Variants in CPED1 observed in about 807,000 individuals in gnomAD.
The protein encoded by CPED1 is cadherin-like and PC-esterase domain-containing protein 1.
In CPED1, 114 loss-of-function variants were observed where a neutral mutation model predicts 128.2. The observed-to-expected ratio is 0.89, with a 90% CI of 0.76 to 1.04. CPED1 has a LOEUF of 1.04. CPED1 is among the 50% of genes least tolerant of loss of function. The pLI is 0.00. For missense variants in CPED1, 1,211 were observed against 1,207.1 expected (o/e 1.00, Z -0.05); for synonymous variants, 462 against 426.7 (o/e 1.08, Z -1.02).
chr7:121,044,664 T>TTTTTTTTTTTTTTTTC (rs1253162000), intron 3 of CPED1, among the ~76,000 whole-genome samples: 1 of 141,014 alleles, frequency 7.1e-6, no homozygotes, highest in Non-Finnish European at 1.5e-5. Context: ...TTTTTTTTTT[T>TTTTTTTTTTTTTTTTC]TTTTTGCTAT....
intron 22 of CPED1, among the ~76,000 whole-genome samples, chr7:121,289,582 A>G (rs1171098329): frequency 6.6e-6 from 1 of 152,122 alleles, no homozygotes; most frequent in Non-Finnish European, 1.5e-5. Flanking sequence ...AAAATACTCA[A>G]TTTTGTTTAT....
intron 16 of CPED1, among the ~76,000 whole-genome samples, chr7:121,233,823 C>G (rs1252523019): frequency 6.6e-6 from 1 of 151,924 alleles, no homozygotes. Context: ...GTGGCTTGAC[C>G]AAGCAGGAGT....
At chr7:121,267,423 T>G in intron 21 of CPED1, 121 bp downstream of exon 21, 1 of 478,174 alleles carries the variant, frequency 2.1e-6, no homozygotes, top group Non-Finnish European at 3.6e-6. Flanking sequence ...AAAAAAGAGA[T>G]TGTGCTTTAA....
At chr7:121,125,332 G>C (rs935258813) in intron 8 of CPED1, among the ~76,000 whole-genome samples, 1 of 152,084 alleles carries the variant, frequency 6.6e-6, no homozygotes, top group Non-Finnish European at 1.5e-5. Context: ...TGGGATATAT[G>C]TGCAGAATGT....
intron 3 of CPED1, among the ~76,000 whole-genome samples, chr7:121,042,917 A>G (rs1793095045): frequency 6.6e-6 from 1 of 152,162 alleles, no homozygotes; most frequent in South Asian, 2.1e-4. Flanking sequence ...CCTTTTCCCC[A>G]TGCAAGGAGA....
chr7:121,207,275 T>TA lies in CPED1; in HGVS notation c.2056-29431dup, dbSNP rs200116462. On this transcript the variant is annotated intron_variant, in intron 16 of 22. Coordinates refer to ENST00000310396, the MANE Select transcript of CPED1 (RefSeq NM_024913.5). ...AGTAAAGATTTCTAGAAATGGAATT[T>TA]AAAAAAAATTTTAAGTGAGAATTTT... 5.7e-3 allele frequency among the ~76,000 whole-genome samples: 870 copies of TA among 152,082 alleles called. 8 individuals are homozygous for TA. Among genetic ancestry groups the TA allele is most frequent in the African/African-American group, 0.02 (820 of 41,542 alleles).
chr7:121,065,751 CA>C (rs574948586), intron 5 of CPED1, among the ~76,000 whole-genome samples: 5 of 152,090 alleles, frequency 3.3e-5, no homozygotes, highest in Non-Finnish European at 7.4e-5. Flanking sequence ...TTGCTTCAAA[CA>C]TTTTTTTTAT....
intron 22 of CPED1, among the ~76,000 whole-genome samples, chr7:121,287,666 A>T (rs11768439): frequency 0.086 from 13,105 of 152,050 alleles, 726 homozygotes; most frequent in Non-Finnish European, 0.13. Flanking sequence ...TATCTTTAAG[A>T]TGTATTTTAG....
chr7:121,102,546 C>T (rs1418264862), intron 7 of CPED1, among the ~76,000 whole-genome samples: 4 of 152,060 alleles, frequency 2.6e-5, no homozygotes, highest in East Asian at 3.8e-4. Flanking sequence ...CATCTTCCTC[C>T]GTTATATGTC....
chr7:121,252,843 A>G (rs1374886421), intron 18 of CPED1, among the ~76,000 whole-genome samples: 1 of 152,170 alleles, frequency 6.6e-6, no homozygotes, highest in Non-Finnish European at 1.5e-5. Flanking sequence ...GAGAAATAGG[A>G]ACACTTTTAC....
chr7:121,018,926 C>T (rs975337988), intron 3 of CPED1, among the ~76,000 whole-genome samples: 1 of 152,022 alleles, frequency 6.6e-6, no homozygotes, highest in Non-Finnish European at 1.5e-5. Context: ...GGACACATGG[C>T]CCCTTTCCAG....
chr7:120,995,322 G>A (rs1343279823), intron 2 of CPED1, among the ~76,000 whole-genome samples: 2 of 152,098 alleles, frequency 1.3e-5, no homozygotes, highest in Non-Finnish European at 2.9e-5. Flanking sequence ...CTGCTATTGG[G>A]AAGTGACTCT....
intron 3 of CPED1, among the ~76,000 whole-genome samples, chr7:121,037,266 T>C (rs1585032213): frequency 6.6e-6 from 1 of 152,268 alleles, no homozygotes; most frequent in East Asian, 1.9e-4. Context: ...ATATTTATGG[T>C]TTTGTGTCTT....
rs2721353 is a variant in CPED1, at chr7:121,070,210, A to T, written c.616+5897A>T. Reference sequence around the variant, plus strand: ...TATATAATTTATATTTAATATAATTAAAATAATTTTTAAACATTGACCAAT... The same window carrying T: ...TATATAATTTATATTTAATATAATTTAAATAATTTTTAAACATTGACCAAT... On this transcript the variant is annotated intron_variant, in intron 5 of 22. Coordinates refer to ENST00000310396, the MANE Select transcript of CPED1 (RefSeq NM_024913.5). Among the ~76,000 whole-genome samples the T allele has an allele frequency of 8.7e-3, 1,308 of 149,892 alleles. 19 individuals are homozygous for T. Among genetic ancestry groups the T allele is most frequent in the African/African-American group, 0.03 (1,223 of 41,154 alleles).
chr7:120,989,728 G>T lies in CPED1; in HGVS notation c.107G>T (p.Arg36Leu). The T allele has an allele frequency of 6.2e-7, 1 of 1,613,906 alleles. No homozygotes were observed. The highest frequency in any genetic ancestry group is 1.3e-5 in the African/African-American group (1 of 74,932). ...ICLFYQTLTLRGSRKLTAAAP... is the reference protein window; with the variant it reads ...ICLFYQTLTLLGSRKLTAAAP... Reference sequence around the variant, plus strand: ...CTCTTCTACCAGACTCTGACCCTCCGAGGGTCGAGGAAGCTCACAGCCGCT... The same window carrying T: ...CTCTTCTACCAGACTCTGACCCTCCTAGGGTCGAGGAAGCTCACAGCCGCT... The change falls in exon 2 of 23, where the codon CGA (arginine) becomes CTA (leucine). Residue 36 changes from arginine to leucine, a missense_variant. By Grantham distance (102) the Arg-to-Leu change is moderately radical. Transcript: ENST00000310396.
chr7:121,081,094 G>A (rs1333839738), intron 5 of CPED1, among the ~76,000 whole-genome samples: 1 of 152,136 alleles, frequency 6.6e-6, no homozygotes, highest in African/African-American at 2.4e-5. Flanking sequence ...GTTATGACTA[G>A]TCTCTTGAAT....
intron 16 of CPED1, among the ~76,000 whole-genome samples, chr7:121,201,836 T>C (rs535179861): frequency 1.5e-3 from 231 of 152,236 alleles, no homozygotes; most frequent in African/African-American, 5.2e-3. Context: ...AGAAGTAGAC[T>C]TCCCCCTTAG....
intron 2 of CPED1, among the ~76,000 whole-genome samples, chr7:120,995,680 T>A (rs1490135495): frequency 2.0e-5 from 3 of 152,186 alleles, no homozygotes; most frequent in African/African-American, 7.2e-5. Context: ...ATAGGACCTG[T>A]CACCCAACCA....
chr7:121,064,645 G>GT (rs1320749883), intron 5 of CPED1, among the ~76,000 whole-genome samples: 1 of 152,096 alleles, frequency 6.6e-6, no homozygotes, highest in East Asian at 1.9e-4. Context: ...ACACTTGGGG[G>GT]TTTTTATCAA....
Sources: gnomAD v4.1 joint callset for allele counts (sites outside exome capture counted in the v4.1 genomes callset) on GRCh38, gnomAD v4.1.1 for gene constraint, MANE v1.5 for transcripts, NCBI Gene and HGNC (gene_info 2026-07-23, HGNC 2026-07-21) for gene names.